The following SLC22A25 variants were observed in gnomAD, a reference collection of about 807,000 sequenced individuals.
The protein encoded by SLC22A25 is solute carrier family 22 member 25, also known as MGI:2442751, MGI:2385316, MGI:3042283, MGI:3645714, MGI:3605624, MGI:2442750.
Under a neutral mutation model 45.9 loss-of-function variants are expected in SLC22A25, and 44 were observed. That is an observed-to-expected ratio of 0.96 (90% CI 0.75 to 1.23). The LOEUF is 1.23. SLC22A25 is among the 50% of genes most tolerant of loss of function. SLC22A25 has a pLI of 0.00. For missense variants in SLC22A25, 800 were observed against 666.4 expected, an observed-to-expected ratio of 1.20 and a Z score of -2.21; for synonymous variants, 283 against 238.6, an observed-to-expected ratio of 1.19 and a Z score of -1.72.
Position 63,162,338 on chromosome 11 carries a change from G to A in SLC22A25, c.*1486C>T, listed in dbSNP as rs1043617219. On this transcript the variant is annotated 3_prime_UTR_variant, in exon 12 of 12. Transcript: ENST00000306494. The stretch of plus-strand genomic sequence containing the variant: ...GTGGGGTATTACTCAAGAAATCTTT[G>A]GCCAGTCTAATGTACTGGAAAATTT... Among the ~76,000 whole-genome samples, 1 of 152,040 alleles carries A rather than the reference G, an allele frequency of 6.6e-6. No homozygotes were observed. The highest frequency in any genetic ancestry group is 2.4e-5 in the African/African-American group (1 of 41,386).
At chr11:63,232,775 A>G (rs147299828) in intron 3 of SLC22A25, among the ~76,000 whole-genome samples, 1 of 152,198 alleles carries the variant, frequency 6.6e-6, no homozygotes, top group Non-Finnish European at 1.5e-5. Context: ...TGGGTTTGTC[A>G]TAAATAGCTC....
intron 5 of SLC22A25, among the ~76,000 whole-genome samples, chr11:63,219,354 A>C (rs2089796916): frequency 6.6e-6 from 1 of 152,122 alleles, no homozygotes; most frequent in African/African-American, 2.4e-5. Flanking sequence ...CACCTTTCTG[A>C]CTCCCAACAC....
rs533194283 is a variant in SLC22A25, at chr11:63,214,766, C to T, written c.830+2548G>A. On this transcript the variant is annotated intron_variant, in intron 7 of 11. Coordinates refer to ENST00000306494, the MANE Select transcript of SLC22A25 (RefSeq NM_199352.6). Reference sequence around the variant, plus strand: ...ACCCCACGAAATGTTTAAAAGGTAACTTAACTCTTTGTTCAGGGCTCAGTC... The same window carrying T: ...ACCCCACGAAATGTTTAAAAGGTAATTTAACTCTTTGTTCAGGGCTCAGTC... Among the ~76,000 whole-genome samples the T allele has an allele frequency of 5.5e-5, 8 of 144,230 alleles. No individual in the cohort carries two copies. In the East Asian group the frequency reaches 1.7e-3, roughly 31 times the overall value. The allele number at this position is 144,230 out of a possible 152,430, so 94.6% of individuals were successfully genotyped here.
At chr11:63,213,745 A>T (rs1590879712) in intron 7 of SLC22A25, among the ~76,000 whole-genome samples, 1 of 152,114 alleles carries the variant, frequency 6.6e-6, no homozygotes, top group South Asian at 2.1e-4. Flanking sequence ...GACCTTCCCC[A>T]CTGTTGCATA....
intron 10 of SLC22A25, among the ~76,000 whole-genome samples, chr11:63,165,137 A>G (rs1244279520): frequency 1.3e-5 from 2 of 152,240 alleles, no homozygotes; most frequent in Non-Finnish European, 2.9e-5. Flanking sequence ...ATTGGACAGT[A>G]TTAATGTTTC....
chr11:63,173,904 T>C (rs1203358361), intron 9 of SLC22A25, among the ~76,000 whole-genome samples: 9 of 151,702 alleles, frequency 5.9e-5, no homozygotes, highest in South Asian at 4.2e-4. Context: ...CTTTTCTTTT[T>C]TTTTTTTTTT....
intron 9 of SLC22A25, among the ~76,000 whole-genome samples, chr11:63,174,579 G>A (rs2088018039): frequency 6.6e-6 from 1 of 152,062 alleles, no homozygotes; most frequent in Non-Finnish European, 1.5e-5. Flanking sequence ...CTTAGGGCAG[G>A]CTTGCCAGTC....
At chr11:63,166,659 A>G in intron 9 of SLC22A25, 2 of 999,608 alleles carry the variant, frequency 2.0e-6, no homozygotes, top group Non-Finnish European at 2.4e-6. Flanking sequence ...AAGATCTAAG[A>G]AGCCAAAATT....
intron 3 of SLC22A25, among the ~76,000 whole-genome samples, chr11:63,230,666 T>G (rs555466928): frequency 9.2e-5 from 14 of 152,350 alleles, no homozygotes; most frequent in African/African-American, 3.4e-4. Context: ...TTATTTTTAT[T>G]ATACTTTAAG....
intron 3 of SLC22A25, among the ~76,000 whole-genome samples, chr11:63,233,647 C>G (rs1246899294): frequency 6.6e-6 from 1 of 152,068 alleles, no homozygotes; most frequent in African/African-American, 2.4e-5. Flanking sequence ...CAGTTCTGCT[C>G]TGATCTTAGT....
intron 9 of SLC22A25, among the ~76,000 whole-genome samples, chr11:63,173,203 C>T (rs1490391954): frequency 7.0e-6 from 1 of 143,708 alleles, no homozygotes; most frequent in African/African-American, 2.6e-5. Flanking sequence ...AGACATCACA[C>T]ACTGGGGCCT....
rs2087529966 is a variant in SLC22A25 at position 63,161,135 on chromosome 11, G to T, written c.*2689C>A. On this transcript the variant is annotated 3_prime_UTR_variant, in exon 12 of 12. Coordinates refer to ENST00000306494, the MANE Select transcript of SLC22A25 (RefSeq NM_199352.6). ...GGAAGACGATTCCCATGTAGTCAGT[G>T]CCTTTTATCTAGGTACAGCCTCATC... Among the ~76,000 whole-genome samples, 1 of 152,096 alleles carries T rather than the reference G, an allele frequency of 6.6e-6. No individual in the cohort carries two copies. The highest frequency in any genetic ancestry group is 1.5e-5 in the Non-Finnish European group (1 of 68,020).
intron 8 of SLC22A25, among the ~76,000 whole-genome samples, chr11:63,183,107 C>T (rs2088388941): frequency 6.6e-6 from 1 of 152,016 alleles, no homozygotes; most frequent in African/African-American, 2.4e-5. Flanking sequence ...AAGATAAAGA[C>T]TTCCCCCAGG....
chr11:63,166,590 A>G, intron 9 of SLC22A25: 7 of 1,044,194 alleles, frequency 6.7e-6, no homozygotes, highest in Non-Finnish European at 8.1e-6. Context: ...AAAAATTCAC[A>G]GTAATGAAAA....
At position 63,229,346 on chromosome 11, in the gene SLC22A25, C is replaced by T; in HGVS notation, c.307G>A (p.Gly103Arg). ...GGCTCACTCGTGTTGGGGAAGGTCC[C>T]ATTCAGATGAATGAGCTTCCACTGG... ...HPQWKLIHLN[G>R]TFPNTSEPDT... Residue 103 changes from glycine (G) to arginine (R), a missense_variant, in exon 4 of 12, where the codon GGG becomes AGG. Physicochemically the swap from Gly to Arg is moderately radical, Grantham distance 125. Transcript: ENST00000306494. 6.2e-7 allele frequency: 1 copy of T among 1,613,820 alleles called. No individual in the cohort carries two copies. The highest frequency in any genetic ancestry group is 8.5e-7 in the Non-Finnish European group (1 of 1,179,838).
chr11:63,203,055 C>T (rs373753755), intron 7 of SLC22A25, among the ~76,000 whole-genome samples: 35 of 152,222 alleles, frequency 2.3e-4, no homozygotes, highest in African/African-American at 6.0e-4. Context: ...ATCAGACCTG[C>T]GGCAGAGGGG....
chr11:63,181,481 A>T (rs562951588), intron 8 of SLC22A25, among the ~76,000 whole-genome samples: 1 of 145,954 alleles, frequency 6.9e-6, no homozygotes, highest in Non-Finnish European at 1.5e-5. Context: ...TATGAGTGAG[A>T]ACATGCGGTG....
At chr11:63,233,272 T>C (rs1458111255) in intron 3 of SLC22A25, among the ~76,000 whole-genome samples, 2 of 152,202 alleles carry the variant, frequency 1.3e-5, no homozygotes, top group Middle Eastern at 6.3e-3. Flanking sequence ...CCTGGACTTA[T>C]TTTGGTTGGT....
chr11:63,237,778 G>C (rs958531660), intron 3 of SLC22A25, among the ~76,000 whole-genome samples, 103 bp downstream of exon 3: 2 of 152,154 alleles, frequency 1.3e-5, no homozygotes, highest in Admixed American at 1.3e-4. Context: ...TACTCCATTT[G>C]TGTTTCTAGA....
Sources: gnomAD v4.1 joint callset for allele counts (sites outside exome capture counted in the v4.1 genomes callset) on GRCh38, gnomAD v4.1.1 for gene constraint, MANE v1.5 for transcripts, NCBI Gene and HGNC (gene_info 2026-07-23, HGNC 2026-07-21) for gene names.